ZNF512B: variants seen among roughly 807,000 people sequenced by gnomAD.
The protein encoded by ZNF512B is zinc finger protein 512B.
A neutral mutation model predicts 87.8 loss-of-function variants in ZNF512B; 22 were observed. The observed-to-expected ratio is 0.25, with a 90% CI of 0.18 to 0.36. The LOEUF is 0.36. Ranked by LOEUF, ZNF512B falls within the 10% of genes least tolerant of loss-of-function variation. The pLI, the probability that ZNF512B is intolerant of heterozygous loss-of-function variation, is 1.00. For missense variants in ZNF512B, 1,060 were observed against 1,231.6 expected, an observed-to-expected ratio of 0.86 and a Z score of 2.09; for synonymous variants, 524 against 490.9, an observed-to-expected ratio of 1.07 and a Z score of -0.89.
At chr20:63,969,146 G>C in intron 1 of ZNF512B, 1 of 985,492 alleles carries the variant, frequency 1.0e-6, no homozygotes, top group East Asian at 1.1e-4. Context: ...CTTTTGAAAG[G>C]AGACAGGGCC....
intron 16 of ZNF512B, among the ~76,000 whole-genome samples, chr20:63,960,703 C>T (rs1260533156): frequency 4.5e-5 from 6 of 134,662 alleles, no homozygotes; most frequent in Non-Finnish European, 9.5e-5. Flanking sequence ...GCCTTCGGGA[C>T]CAGGCAAGCA....
chr20:63,959,769 C>T lies in ZNF512B; in HGVS notation c.*119G>A, dbSNP rs1272249662. 17 of 1,379,820 alleles carry T rather than the reference C, an allele frequency of 1.2e-5. No individual in the cohort carries two copies. The highest frequency in any genetic ancestry group is 2.6e-4 in the Middle Eastern group (1 of 3,908). 85.5% of individuals were successfully genotyped at this position (1,379,820 alleles called of 1,614,324 possible). On this transcript the variant is annotated 3_prime_UTR_variant, in exon 17 of 17. Coordinates refer to ENST00000369888, the MANE Select transcript of ZNF512B (RefSeq NM_020713.3). ...GAGAGTGGCTGGCTGCCCCACTGGA[C>T]GGATGAAGAGGCGGGGGTGGGGGAT...
At chr20:63,969,100 C>T (rs770305142) in intron 1 of ZNF512B, 8 of 985,374 alleles carry the variant, frequency 8.1e-6, no homozygotes, top group Non-Finnish European at 7.2e-6. Flanking sequence ...GGCCAGTGTC[C>T]GGGGACAAAG....
chr20:63,967,062 C>T (rs1247541514), intron 3 of ZNF512B, 58 bp from the exon 4 acceptor site: 33 of 1,605,082 alleles, frequency 2.1e-5, no homozygotes, highest in South Asian at 6.6e-5. Flanking sequence ...ACTGCCAGCC[C>T]GAGCCCCAGA....
rs780115673 is a variant in ZNF512B, at chr20:63,964,667, G to A, written c.1084C>T (p.Pro362Ser). 4.3e-6 allele frequency: 7 copies of A among 1,612,044 alleles called. No individual in the cohort carries two copies. Among genetic ancestry groups the A allele is most frequent in the Non-Finnish European group, 5.1e-6 (6 of 1,179,932 alleles). ...GAGGGGCCGTACTCCCCATTCTCTG[G>A]CCTGGCCTGCTTGGGTGGAATTGGG... ...TCPIPPKQAR[P>S]ENGEYGPSSM... The change falls in exon 6 of 17, where the codon CCA becomes TCA. Residue 362 changes from proline to serine, a missense_variant. Around this residue, in one of 9 missense-constraint regions of ZNF512B, gnomAD observed 212 missense variants for 207.6 expected, o/e 1.02. Transcript: ENST00000369888.
chr20:63,967,283 G>C, intron 3 of ZNF512B, 98 bp downstream of exon 3: 1 of 1,482,884 alleles, frequency 6.7e-7, no homozygotes, highest in South Asian at 1.3e-5. Flanking sequence ...TTGAGGCATA[G>C]AGTTGGTACC....
rs947529490 is a variant in ZNF512B at position 63,958,129 on chromosome 20, G to A, written c.*1759C>T. ...TGAAGCCAGAGACAGGAAGTGTTCT[G>A]CAACCCCAGTCCCCAAAGTGCTCCT... On this transcript the variant is annotated 3_prime_UTR_variant, in exon 17 of 17. Coordinates refer to ENST00000369888, the MANE Select transcript of ZNF512B (RefSeq NM_020713.3). 5.3e-5 allele frequency: 8 copies of A among 152,128 alleles called. No homozygotes were observed. The highest frequency in any genetic ancestry group is 1.9e-4 in the African/African-American group (8 of 41,354). 9.4% of individuals were successfully genotyped at this position (152,128 alleles called of 1,614,324 possible). A position where few individuals can be genotyped will look rare whatever the true frequency, so the allele number is the denominator to read the frequency against.
In ZNF512B at chr20:63,966,673, G is replaced by A; in HGVS notation, c.502C>T (p.Leu168=). 1.2e-6 allele frequency: 2 copies of A among 1,613,120 alleles called. No homozygotes were observed. The highest frequency in any genetic ancestry group is 1.7e-6 in the Non-Finnish European group (2 of 1,179,938). Residue 168 remains leucine, a synonymous_variant, in exon 5 of 17, where the codon CTG becomes TTG. Transcript: ENST00000369888. ...HRIWNHMDRP[L]PASKPGPISR... ...ATGGGCCCAGGCTTGGAGGCAGGCAGGGGTCGGTCCATGTGGTTCCAGATC... is the reference window on the plus strand; with the variant it reads ...ATGGGCCCAGGCTTGGAGGCAGGCAAGGGTCGGTCCATGTGGTTCCAGATC...
chr20:63,964,161 G>C lies in ZNF512B; in HGVS notation c.1390C>G (p.Pro464Ala). The change falls in exon 8 of 17, where the codon CCA becomes GCA. Residue 464 changes from proline to alanine, a missense_variant. By Grantham distance (27) the Pro-to-Ala change is conservative. Transcript: ENST00000369888. The stretch of plus-strand genomic sequence containing the variant: ...TTCTTCCGGGCGTCCTCAGGGCCTG[G>C]CCCCTCCTGCTTCTTGGAGCGGTGA... ...RVHRSKKQEGPGPEDARKKVP... is the reference protein window; with the variant it reads ...RVHRSKKQEGAGPEDARKKVP... The C allele has an allele frequency of 6.2e-7, 1 of 1,601,466 alleles. No homozygotes were observed. The highest frequency in any genetic ancestry group is 2.2e-5 in the East Asian group (1 of 44,822).
rs200795968 is a variant in ZNF512B at position 63,960,036 on chromosome 20, C to T, written c.2531G>A (p.Arg844Gln). The change falls in exon 17 of 17, where the codon CGG becomes CAG. Residue 844 changes from arginine to glutamine, a missense_variant. By Grantham distance (43) the Arg-to-Gln change is conservative. Transcript: ENST00000369888. The part of the protein sequence containing the change: ...KKKNLAGGKK[R>Q]GRKPKERTPE... ...GGTCCGCTCCTTGGGCTTTCGGCCCCGCTTCTTTCCACCTGCCAGATTTTT... is the reference window on the plus strand; with the variant it reads ...GGTCCGCTCCTTGGGCTTTCGGCCCTGCTTCTTTCCACCTGCCAGATTTTT... 6.1e-5 allele frequency: 99 copies of T among 1,613,766 alleles called. No homozygotes were observed. The highest frequency in any genetic ancestry group is 7.5e-5 in the Non-Finnish European group (89 of 1,180,024).
Position 63,962,230 on chromosome 20 carries a change from C to T in ZNF512B, c.2265+43G>A, listed in dbSNP as rs1198106849. The T allele has an allele frequency of 1.9e-6, 3 of 1,556,994 alleles. No homozygotes were observed. In the African/African-American group the frequency reaches 4.1e-5, roughly 21 times the overall value. On this transcript the variant is annotated intron_variant, in intron 14 of 16. Coordinates refer to ENST00000369888, the MANE Select transcript of ZNF512B (RefSeq NM_020713.3). ...AGAGGGCCACACCCAGGCTCTGGCCCTGTATGGCTCCCCACGCCCCCCACC... is the reference window on the plus strand; with the variant it reads ...AGAGGGCCACACCCAGGCTCTGGCCTTGTATGGCTCCCCACGCCCCCCACC...
rs773342369 is a variant in ZNF512B, at chr20:63,960,097, T to A, written c.2470A>T (p.Ser824Cys). Residue 824 changes from serine (S) to cysteine (C), a missense_variant, in exon 17 of 17, where the codon AGC becomes TGC. Physicochemically the swap from Ser to Cys is moderately radical, Grantham distance 112 (BLOSUM62 -1). Around this residue, in one of 9 missense-constraint regions of ZNF512B, gnomAD observed 253 missense variants for 259.2 expected, o/e 0.98. Transcript: ENST00000369888. ...TTCTTGGGCACCAATGAGTCCTGGC[T>A]CCTGTGTTTGGGAGGTGGGTCTGCT... Reference protein sequence around the residue: ...TSADPPPKHRSQDSLVPKKEK... With the variant: ...TSADPPPKHRCQDSLVPKKEK... 6.2e-7 allele frequency: 1 copy of A among 1,613,816 alleles called. No homozygotes were observed. Among genetic ancestry groups the A allele is most frequent in the East Asian group, 2.2e-5 (1 of 44,902 alleles).
Position 63,960,241 on chromosome 20 carries a change from C to T in ZNF512B, c.2428-102G>A, listed in dbSNP as rs926334742. On this transcript the variant is annotated intron_variant, in intron 16 of 16. Transcript: ENST00000369888. ...AGACCTGTCAGCCTTCAGGACCAGG[C>T]AAGCACCTGCAGCAGGGCTGGACAC... 4.7e-6 allele frequency: 7 copies of T among 1,501,516 alleles called. No individual in the cohort carries two copies. The Admixed American group carries it at 1.1e-4, about 23-fold the overall frequency. The allele number at this position is 1,501,516 out of a possible 1,614,324, so 93.0% of individuals were successfully genotyped here. A position where few individuals can be genotyped will look rare whatever the true frequency, so the allele number is the denominator to read the frequency against.
rs1055586960 is a variant in ZNF512B, at chr20:63,963,887, C to T, written c.1507G>A (p.Ala503Thr). Residue 503 changes from alanine to threonine, a missense_variant, in exon 9 of 17, where the codon GCC (alanine) becomes ACC (threonine). Physicochemically the swap from Ala to Thr is moderately conservative, Grantham distance 58. This residue lies in a region of ZNF512B where 212 missense variants were observed against 207.6 expected (regional missense o/e 1.02). Coordinates refer to ENST00000369888, the MANE Select transcript of ZNF512B (RefSeq NM_020713.3). ...ACGGCTTCCCCGCGCTCATGGATGG[C>T]CCTCTGCCACTGCTCTTCAGGGCCA... The part of the protein sequence containing the change: ...PGGPEEQWQR[A>T]IHERGEAVCP... 2 of 1,611,624 alleles carry T rather than the reference C, an allele frequency of 1.2e-6. No homozygotes were observed. Among genetic ancestry groups the T allele is most frequent in the East Asian group, 2.2e-5 (1 of 44,884 alleles).
chr20:63,963,805 A>G lies in ZNF512B; in HGVS notation c.1589T>C (p.Met530Thr). 1 of 1,612,898 alleles carries G rather than the reference A, an allele frequency of 6.2e-7. No individual in the cohort carries two copies. The highest frequency in any genetic ancestry group is 8.5e-7 in the Non-Finnish European group (1 of 1,179,936). The change falls in exon 9 of 17, where the codon ATG (methionine) becomes ACG (threonine). Residue 530 changes from methionine to threonine, a missense_variant. Met to Thr is a moderately conservative substitution (Grantham distance 81). Transcript: ENST00000369888. ...CTGCCTTACCTTCTGACACACCTCCATGTGCTTCTTAAGCCCCACGAGAGT... is the reference window on the plus strand; with the variant it reads ...CTGCCTTACCTTCTGACACACCTCCGTGTGCTTCTTAAGCCCCACGAGAGT... ...RKTLVGLKKH[M>T]EVCQKLQDAL...
chr20:63,961,559 A>G lies in ZNF512B; in HGVS notation c.2329-152T>C. ...CAATGCAGGGGGCCACTGAGTTACC[A>G]GGGCGGCAGGGGTGGTAGGGGAGAG... On this transcript the variant is annotated intron_variant, in intron 15 of 16. Coordinates refer to ENST00000369888, the MANE Select transcript of ZNF512B (RefSeq NM_020713.3). This position sits in a 1 kb window ranked among gnomAD's most constrained non-coding sequence, Gnocchi z 6.4. 1.4e-6 allele frequency: 1 copy of G among 718,106 alleles called. No individual in the cohort carries two copies. Among genetic ancestry groups the G allele is most frequent in the Non-Finnish European group, 2.4e-6 (1 of 421,760 alleles). 44.5% of individuals were successfully genotyped at this position (718,106 alleles called of 1,614,324 possible). A position where few individuals can be genotyped will look rare whatever the true frequency, so the allele number is the denominator to read the frequency against.
At chr20:63,967,603 A>G in intron 2 of ZNF512B, 80 bp from the exon 3 acceptor site, 4 of 1,506,352 alleles carry the variant, frequency 2.7e-6, no homozygotes, top group Non-Finnish European at 3.5e-6. Flanking sequence ...CACAGTGAGC[A>G]CCGCTGTCCC....
Position 63,964,342 on chromosome 20 carries a change from G to T in ZNF512B, c.1311C>A (p.Ile437=). 1 of 1,613,956 alleles carries T rather than the reference G, an allele frequency of 6.2e-7. No individual in the cohort carries two copies. Among genetic ancestry groups the T allele is most frequent in the Admixed American group, 1.7e-5 (1 of 60,026 alleles). ...TACCTTTGAGCCCAAAGGTCCCTGA[G>T]ATGGATGGCTGCTCCCCTGTAAACT... ...PKKFTGEQPS[I]SGTFGLKGLV... is the part of the protein sequence containing the mutation. The change falls in exon 7 of 17, where the codon ATC becomes ATA. Residue 437 remains isoleucine (I), a synonymous_variant. Transcript: ENST00000369888.
chr20:63,967,786 G>T, intron 2 of ZNF512B, 44 bp downstream of exon 2: 1 of 1,592,920 alleles, frequency 6.3e-7, no homozygotes. Flanking sequence ...ACCACTTGCT[G>T]CCCAGAACCA....
Sources: gnomAD v4.1 joint callset for allele counts (sites outside exome capture counted in the v4.1 genomes callset) on GRCh38, gnomAD v4.1.1 for gene constraint, gnomAD v4.1.1 regional missense constraint, Gnocchi (gnomAD v3.1) non-coding constraint, MANE v1.5 for transcripts, NCBI Gene and HGNC (gene_info 2026-07-23, HGNC 2026-07-21) for gene names.